Variants in MARK2 observed in about 807,000 individuals in gnomAD.
The protein encoded by MARK2 is serine/threonine-protein kinase MARK2.
A neutral mutation model predicts 89.8 loss-of-function variants in MARK2; 16 were observed. That is an observed-to-expected ratio of 0.18 (90% CI 0.12 to 0.27). The LOEUF (loss-of-function observed/expected upper bound fraction) is 0.27. Ranked by LOEUF, MARK2 falls within the 10% of genes least tolerant of loss-of-function variation. The pLI is 1.00. For missense variants in MARK2, 621 were observed against 1,049.9 expected (o/e 0.59, Z 5.65); for synonymous variants, 382 against 399.5 (o/e 0.96, Z 0.52).
At position 63,908,901 on chromosome 11, in the gene MARK2, C is replaced by A; in HGVS notation, c.2031C>A (p.Gly677=). The A allele has an allele frequency of 2.0e-6, 3 of 1,508,090 alleles. No individual in the cohort carries two copies. The highest frequency in any genetic ancestry group is 2.7e-6 in the Non-Finnish European group (3 of 1,122,180). 93.4% of individuals were successfully genotyped at this position (1,508,090 alleles called of 1,614,324 possible). A position where few individuals can be genotyped will look rare whatever the true frequency, so the allele number is the denominator to read the frequency against. Residue 677 remains glycine (G), a synonymous_variant, in exon 19 of 19, where the codon GGC becomes GGA. Coordinates refer to ENST00000402010, the MANE Select transcript of MARK2 (RefSeq NM_001039469.3). ...GACCTCACGTGGTGGGCAGTGGCGG[C>A]AACGACAAAGAAAAGGAAGAATTTC... The part of the protein sequence containing the change: ...TLRPHVVGSG[G]NDKEKEEFRE...
rs1448168510 is a variant in MARK2 at position 63,902,382 on chromosome 11, T to A, written c.1234+52T>A. The A allele has an allele frequency of 1.2e-6, 2 of 1,606,696 alleles. No homozygotes were observed. The highest frequency in any genetic ancestry group is 3.3e-5 in the Admixed American group (2 of 59,828). ...GGGACTCACCCCTCTCCAGAGAGGT[T>A]ACAGGTTCTGTGGGGACTTGGGTAA... On this transcript the variant is annotated intron_variant, in intron 12 of 18. Coordinates refer to ENST00000402010, the MANE Select transcript of MARK2 (RefSeq NM_001039469.3). The surrounding 1 kb of genome is among the most constrained non-coding windows in gnomAD (Gnocchi z 4.2).
Position 63,895,264 on chromosome 11 carries a change from C to A in MARK2, c.160C>A (p.Arg54=). 1.2e-6 allele frequency: 2 copies of A among 1,614,106 alleles called. No individual in the cohort carries two copies. Among genetic ancestry groups the A allele is most frequent in the Non-Finnish European group, 1.7e-6 (2 of 1,180,012 alleles). Residue 54 remains arginine, a synonymous_variant, in exon 2 of 19, where the codon CGG becomes AGG. Coordinates refer to ENST00000402010, the MANE Select transcript of MARK2 (RefSeq NM_001039469.3). ...ADEQPHIGNY[R]LLKTIGKGNF... is the part of the protein sequence containing the mutation. ...TGAGCAGCCCCACATTGGAAACTAC[C>A]GGCTCCTCAAGACCATTGGCAAGGG...
chr11:63,872,659 G>A (rs991710224), intron 1 of MARK2, among the ~76,000 whole-genome samples: 107 of 152,108 alleles, frequency 7.0e-4, no homozygotes, highest in African/African-American at 2.3e-3. Flanking sequence ...TTCTTGGCAG[G>A]GGACCAACCC....
At chr11:63,875,836 A>G (rs1938719932) in intron 1 of MARK2, among the ~76,000 whole-genome samples, 1 of 152,162 alleles carries the variant, frequency 6.6e-6, no homozygotes, top group African/African-American at 2.4e-5. Flanking sequence ...AAGTGTGGCT[A>G]AGCTTTCAGC....
chr11:63,845,826 G>A (rs2016250196), intron 1 of MARK2, among the ~76,000 whole-genome samples: 1 of 152,046 alleles, frequency 6.6e-6, no homozygotes, highest in South Asian at 2.1e-4. Flanking sequence ...GGGTTCAAGC[G>A]ATTCTCATGC....
chr11:63,901,422 G>GGTGTGTGTGT (rs147425490), intron 11 of MARK2, among the ~76,000 whole-genome samples: 51 of 139,662 alleles, frequency 3.7e-4, no homozygotes, highest in East Asian at 1.1e-3. Context: ...TACATTTCTG[G>GGTGTGTGTGT]GTGTGTGTGT....
chr11:63,908,813 G>C lies in MARK2; in HGVS notation c.2007-64G>C, dbSNP rs1387033075. The C allele has an allele frequency of 1.8e-5, 26 of 1,411,088 alleles. No individual in the cohort carries two copies. In the South Asian group the frequency reaches 4.0e-4, roughly 22 times the overall value. The allele number at this position is 1,411,088 out of a possible 1,614,324, so 87.4% of individuals were successfully genotyped here. A position where few individuals can be genotyped will look rare whatever the true frequency, so the allele number is the denominator to read the frequency against. ...TCTGGGCTCAGGGGCTGTCTGCCAGGGTGGCTCTCCTGGGGTGGGGTGCCT... is the reference window on the plus strand; with the variant it reads ...TCTGGGCTCAGGGGCTGTCTGCCAGCGTGGCTCTCCTGGGGTGGGGTGCCT... On this transcript the variant is annotated intron_variant, in intron 18 of 18. Transcript: ENST00000402010.
rs140835429 is a variant in MARK2 at position 63,841,226 on chromosome 11, C to G, written c.54+1666C>G. ...TTCTTTGAAAAATCTTACCTCCTTTCTTTTACTGTGTTTTTCTATTTTGTT... is the reference window on the plus strand; with the variant it reads ...TTCTTTGAAAAATCTTACCTCCTTTGTTTTACTGTGTTTTTCTATTTTGTT... On this transcript the variant is annotated intron_variant, in intron 1 of 18. Coordinates refer to ENST00000402010, the MANE Select transcript of MARK2 (RefSeq NM_001039469.3). 2.9e-3 allele frequency among the ~76,000 whole-genome samples: 449 copies of G among 152,234 alleles called. 1 individual carries two copies. Among genetic ancestry groups the G allele is most frequent in the Non-Finnish European group, 4.0e-3 (269 of 68,008 alleles).
intron 1 of MARK2, among the ~76,000 whole-genome samples, chr11:63,853,296 G>T (rs553929509): frequency 2.5e-4 from 38 of 152,218 alleles, no homozygotes; most frequent in African/African-American, 7.9e-4. Context: ...CTACTCGGGA[G>T]GCTGAGGCAG....
chr11:63,902,804 C>T lies in MARK2; in HGVS notation c.1416+22C>T, dbSNP rs1481851645. ...CACGGTGAGCCGCACCCCCCGCTCT[C>T]TCCTTCCTTCCTGCGGTGGGGCCTG... is the stretch of plus-strand genomic sequence containing the variant. On this transcript the variant is annotated intron_variant, in intron 13 of 18. Coordinates refer to ENST00000402010, the MANE Select transcript of MARK2 (RefSeq NM_001039469.3). This position sits in a 1 kb window ranked among gnomAD's most constrained non-coding sequence, Gnocchi z 4.2. 6.3e-7 allele frequency: 1 copy of T among 1,591,994 alleles called. No homozygotes were observed. The highest frequency in any genetic ancestry group is 8.6e-7 in the Non-Finnish European group (1 of 1,162,810).
At chr11:63,901,959 C>G (rs1452497952) in intron 11 of MARK2, among the ~76,000 whole-genome samples, 1 of 151,730 alleles carries the variant, frequency 6.6e-6, no homozygotes, top group Non-Finnish European at 1.5e-5. Flanking sequence ...ATGTTTGTGT[C>G]TCTGGGTGTG....
Position 63,902,570 on chromosome 11 carries a change from C to T in MARK2, c.1235-31C>T. 1 of 1,602,342 alleles carries T rather than the reference C, an allele frequency of 6.2e-7. No homozygotes were observed. The highest frequency in any genetic ancestry group is 8.5e-7 in the Non-Finnish European group (1 of 1,172,008). The stretch of plus-strand genomic sequence containing the variant: ...GCTGGCACTCAGTGGACCCCTTGGC[C>T]TTACCCATTCCCATCCTCCCTCTGG... On this transcript the variant is annotated intron_variant, in intron 12 of 18. Transcript: ENST00000402010. This position sits in a 1 kb window ranked among gnomAD's most constrained non-coding sequence, Gnocchi z 4.2.
At chr11:63,859,725 A>G (rs1664775189) in intron 1 of MARK2, among the ~76,000 whole-genome samples, 1 of 151,726 alleles carries the variant, frequency 6.6e-6, no homozygotes, top group African/African-American at 2.4e-5. Flanking sequence ...TCCACCTCCC[A>G]GATTCAAGCA....
intron 1 of MARK2, among the ~76,000 whole-genome samples, chr11:63,867,094 T>C (rs545028978): frequency 6.6e-6 from 1 of 152,346 alleles, no homozygotes; most frequent in Admixed American, 6.5e-5. Context: ...TGGCATGATC[T>C]TGGCTCACTG....
chr11:63,888,886 C>G (rs748930251), intron 1 of MARK2: 1 of 1,340,934 alleles, frequency 7.5e-7, no homozygotes, highest in Non-Finnish European at 9.8e-7. Flanking sequence ...CTGTACTTTG[C>G]CCTCGCTGCC....
At chr11:63,895,517 G>C in intron 2 of MARK2, 63 bp from the exon 3 acceptor site, 1 of 1,511,390 alleles carries the variant, frequency 6.6e-7, no homozygotes, top group Non-Finnish European at 9.2e-7. Context: ...GGAGGAAGTA[G>C]ATTGGAATCC....
At chr11:63,893,058 G>A (rs375329353) in intron 1 of MARK2, among the ~76,000 whole-genome samples, 31 of 150,918 alleles carry the variant, frequency 2.1e-4, no homozygotes, top group Admixed American at 3.3e-4. Flanking sequence ...ACAGGCACCT[G>A]TAATCCACCA....
chr11:63,879,477 T>G (rs535629943), intron 1 of MARK2, among the ~76,000 whole-genome samples: 1 of 152,156 alleles, frequency 6.6e-6, no homozygotes, highest in African/African-American at 2.4e-5. Flanking sequence ...AGGGGCAGGT[T>G]TGTCTGGGTT....
chr11:63,883,150 T>C (rs1011612381), intron 1 of MARK2, among the ~76,000 whole-genome samples: 2 of 152,182 alleles, frequency 1.3e-5, no homozygotes, highest in Non-Finnish European at 2.9e-5. Context: ...GTATGTCGGC[T>C]GTTTCATGGA....
Sources: gnomAD v4.1 joint callset for allele counts (sites outside exome capture counted in the v4.1 genomes callset) on GRCh38, gnomAD v4.1.1 for gene constraint, Gnocchi (gnomAD v3.1) non-coding constraint, MANE v1.5 for transcripts, NCBI Gene and HGNC (gene_info 2026-07-23, HGNC 2026-07-21) for gene names.